EML6: variants seen among roughly 807,000 people sequenced by gnomAD.
The protein encoded by EML6 is echinoderm microtubule-associated protein-like 6.
A neutral mutation model predicts 240.1 loss-of-function variants in EML6; 154 were observed. The observed-to-expected ratio is 0.64, with a 90% CI of 0.56 to 0.73. The LOEUF (loss-of-function observed/expected upper bound fraction) is 0.73. EML6 is among the 30% of genes least tolerant of loss of function. The pLI is 0.00. For missense variants in EML6, 2,964 were observed against 2,474.6 expected (o/e 1.20, Z -4.20); for synonymous variants, 1,148 against 899.0 (o/e 1.28, Z -4.95).
intron 22 of EML6, among the ~76,000 whole-genome samples, chr2:54,901,742 G>A (rs1673066452): frequency 6.6e-6 from 1 of 152,240 alleles, no homozygotes; most frequent in African/African-American, 2.4e-5. Context: ...ACCATGAACA[G>A]AGGAGTTGGT....
At chr2:54,747,176 T>C (rs1429269610) in intron 2 of EML6, 1 of 152,220 alleles carries the variant, frequency 6.6e-6, no homozygotes, top group Non-Finnish European at 1.5e-5. Flanking sequence ...GTGTAAGTAA[T>C]AATTAAAGAT....
At chr2:54,771,037 A>T (rs1167010867) in intron 2 of EML6, among the ~76,000 whole-genome samples, 3 of 152,108 alleles carry the variant, frequency 2.0e-5, no homozygotes, top group Non-Finnish European at 4.4e-5. Context: ...TGGGTTTAAG[A>T]TGTCTGTTAC....
At chr2:54,930,989 GCT>G (rs1674826309) in intron 28 of EML6, among the ~76,000 whole-genome samples, 1 of 121,884 alleles carries the variant, frequency 8.2e-6, no homozygotes, top group African/African-American at 3.3e-5. Flanking sequence ...ACGGAGTCTC[GCT>G]CTGTCGCCCA....
Position 54,811,177 on chromosome 2 carries a change from T to C in EML6, c.198-2055T>C, listed in dbSNP as rs140571902. Among the ~76,000 whole-genome samples the C allele has an allele frequency of 4.8e-3, 730 of 152,254 alleles. 6 individuals carry two copies. Among genetic ancestry groups the C allele is most frequent in the African/African-American group, 0.015 (628 of 41,536 alleles). On this transcript the variant is annotated intron_variant, in intron 2 of 41. Coordinates refer to ENST00000356458, the MANE Select transcript of EML6 (RefSeq NM_001039753.4). ...TGCCTCTCCTAACACCCCTCACAGA[T>C]CTGTCCTTACCCCTGCATTTCATCA...
rs550946978 is a variant in EML6, at chr2:54,800,160, G to A, written c.198-13072G>A. On this transcript the variant is annotated intron_variant, in intron 2 of 41. Transcript: ENST00000356458. ...CTCGGGAGGCTGAGGCAGAAGAATC[G>A]CTTGAACCCAGGAGGTAGAGGTTGC... 1.2e-4 allele frequency among the ~76,000 whole-genome samples: 18 copies of A among 152,250 alleles called. No individual in the cohort carries two copies. In the South Asian group the frequency reaches 2.9e-3, roughly 25 times the overall value.
intron 21 of EML6, among the ~76,000 whole-genome samples, chr2:54,896,756 G>A (rs537505702): frequency 6.6e-6 from 1 of 152,172 alleles, no homozygotes; most frequent in Non-Finnish European, 1.5e-5. Context: ...CCACTGAGAG[G>A]GTCCCTCTGA....
rs544730000 is a variant in EML6, at chr2:54,734,032, C to A, written c.197+8774C>A. On this transcript the variant is annotated intron_variant, in intron 2 of 41. Transcript: ENST00000356458. ...GGTAAGTAAAGGGATACTAAAAGGGCTTACATTAAAAATATTGGTGATATG... is the reference window on the plus strand; with the variant it reads ...GGTAAGTAAAGGGATACTAAAAGGGATTACATTAAAAATATTGGTGATATG... 2.0e-5 allele frequency among the ~76,000 whole-genome samples: 3 copies of A among 152,188 alleles called. No homozygotes were observed. In the East Asian group the frequency reaches 5.8e-4, roughly 29 times the overall value.
At chr2:54,928,191 T>G in intron 26 of EML6, 122 bp from the exon 27 acceptor site, 1 of 794,752 alleles carries the variant, frequency 1.3e-6, no homozygotes, top group African/African-American at 1.7e-5. Flanking sequence ...ACATTCTAGT[T>G]GAAATGTAGG....
chr2:54,763,411 A>G (rs926295498), intron 2 of EML6, among the ~76,000 whole-genome samples: 1 of 152,180 alleles, frequency 6.6e-6, no homozygotes, highest in South Asian at 2.1e-4. Context: ...GATCTAATTG[A>G]ATTTTTGAAT....
intron 14 of EML6, chr2:54,868,888 G>T (rs1671107005): frequency 6.5e-6 from 2 of 309,094 alleles, no homozygotes; most frequent in South Asian, 2.0e-4. Flanking sequence ...GAATACCTGT[G>T]CCTCATCACA....
chr2:54,753,114 G>A (rs1396821968), intron 2 of EML6, among the ~76,000 whole-genome samples: 1 of 152,194 alleles, frequency 6.6e-6, no homozygotes, highest in Non-Finnish European at 1.5e-5. Context: ...TTACCAAATG[G>A]TTTTACCAAT....
chr2:54,815,127 A>G (rs544165213), intron 3 of EML6, among the ~76,000 whole-genome samples: 1 of 152,372 alleles, frequency 6.6e-6, no homozygotes, highest in African/African-American at 2.4e-5. Context: ...AATGCAGCAG[A>G]GGAAAATCCA....
At chr2:54,967,922 T>A (rs769275468) in intron 39 of EML6, among the ~76,000 whole-genome samples, 1 of 152,068 alleles carries the variant, frequency 6.6e-6, no homozygotes, top group Non-Finnish European at 1.5e-5. Flanking sequence ...GGAGTTCAGG[T>A]GGTAATGCTC....
intron 2 of EML6, among the ~76,000 whole-genome samples, chr2:54,734,834 G>C (rs1011800673): frequency 6.6e-6 from 1 of 152,170 alleles, no homozygotes; most frequent in Non-Finnish European, 1.5e-5. Context: ...TTTTGAAAAT[G>C]AATTTTCCTA....
chr2:54,864,637 C>T (rs1211384184), intron 13 of EML6, among the ~76,000 whole-genome samples: 2 of 152,190 alleles, frequency 1.3e-5, no homozygotes, highest in Admixed American at 6.5e-5. Context: ...ATTTCAGATA[C>T]ATGAACTGTA....
intron 5 of EML6, among the ~76,000 whole-genome samples, chr2:54,826,939 G>A (rs1369007446): frequency 3.3e-5 from 5 of 152,000 alleles, no homozygotes; most frequent in African/African-American, 4.8e-5. Context: ...TTGGGAGGCC[G>A]AGGAGGGCAG....
intron 7 of EML6, among the ~76,000 whole-genome samples, chr2:54,840,957 C>G (rs532031005): frequency 8.0e-4 from 122 of 152,324 alleles, no homozygotes; most frequent in Non-Finnish European, 1.5e-3. Context: ...GATGCAAAGC[C>G]TGCTAGGGAG....
intron 2 of EML6, among the ~76,000 whole-genome samples, chr2:54,756,742 A>T (rs1012255079): frequency 6.6e-6 from 1 of 151,878 alleles, no homozygotes; most frequent in Non-Finnish European, 1.5e-5. Flanking sequence ...CTGGGTCATT[A>T]TTCCTGGCAT....
intron 7 of EML6, among the ~76,000 whole-genome samples, chr2:54,838,985 G>C (rs1331360816): frequency 1.3e-5 from 2 of 152,188 alleles, no homozygotes; most frequent in African/African-American, 4.8e-5. Context: ...CCAAATACTA[G>C]CTTATATTTC....
Sources: allele counts gnomAD v4.1 joint callset (sites outside exome capture counted in the v4.1 genomes callset), GRCh38; gene constraint gnomAD v4.1.1; transcripts MANE v1.5; gene names NCBI Gene and HGNC (gene_info 2026-07-23, HGNC 2026-07-21).